The following PON1 variants were observed in gnomAD, a reference collection of about 807,000 sequenced individuals.
The protein encoded by PON1 is paraoxonase 1.
PON1 carries 37 observed loss-of-function variants against 39.2 expected under a neutral mutation model. That is an observed-to-expected ratio of 0.94 (90% CI 0.73 to 1.24). The LOEUF (loss-of-function observed/expected upper bound fraction) is 1.24, where lower values mean the gene tolerates loss of function less well. Among genes scored for constraint, PON1 ranks in the 50% most tolerant of loss-of-function variants. The pLI is 0.00. For missense variants in PON1, 397 were observed against 413.5 expected (o/e 0.96, Z 0.35); for synonymous variants, 148 against 152.2 (o/e 0.97, Z 0.21).
At chr7:95,313,616 A>ATGTG (rs1322722871) in intron 4 of PON1, among the ~76,000 whole-genome samples, 1 of 69,578 alleles carries the variant, frequency 1.4e-5, no homozygotes, top group South Asian at 5.6e-4. Flanking sequence ...ATATATATGT[A>ATGTG]TATGTGTGTG....
At chr7:95,318,595 A>T in intron 1 of PON1, 1 of 538,968 alleles carries the variant, frequency 1.9e-6, no homozygotes, top group Non-Finnish European at 3.4e-6. Flanking sequence ...TTTATTTAGC[A>T]GAGGTGGATA....
chr7:95,298,928 G>A lies in PON1; in HGVS notation c.*16C>T. The A allele has an allele frequency of 6.2e-7, 1 of 1,614,066 alleles. No individual in the cohort carries two copies. Among genetic ancestry groups the A allele is most frequent in the Non-Finnish European group, 8.5e-7 (1 of 1,179,974 alleles). On this transcript the variant is annotated 3_prime_UTR_variant, in exon 9 of 9. Transcript: ENST00000222381. ...TAATGGCCTCAGTTTCTATGGCATG[G>A]GTGCAAATCGGTCTGTTAGAGCTCA...
chr7:95,318,594 C>T, intron 1 of PON1: 1 of 544,066 alleles, frequency 1.8e-6, no homozygotes, highest in Non-Finnish European at 3.3e-6. Flanking sequence ...TTTTATTTAG[C>T]AGAGGTGGAT....
At chr7:95,318,982 C>T (rs1807837170) in intron 1 of PON1, among the ~76,000 whole-genome samples, 1 of 152,070 alleles carries the variant, frequency 6.6e-6, no homozygotes, top group African/African-American at 2.4e-5. Flanking sequence ...GCATAAACAC[C>T]ATAGAAAATG....
chr7:95,321,400 A>G (rs1165034824), intron 1 of PON1, among the ~76,000 whole-genome samples: 1 of 152,222 alleles, frequency 6.6e-6, no homozygotes, highest in African/African-American at 2.4e-5. Context: ...ATCGATTCTC[A>G]AACTCTTCTT....
At chr7:95,317,524 A>T (rs1228139644) in intron 2 of PON1, among the ~76,000 whole-genome samples, 2 of 146,998 alleles carry the variant, frequency 1.4e-5, no homozygotes, top group African/African-American at 5.1e-5. Context: ...AAGTCATCTG[A>T]TCTAGCCTCC....
chr7:95,298,804 T>G lies in PON1; in HGVS notation c.*140A>C. On this transcript the variant is annotated 3_prime_UTR_variant, in exon 9 of 9. Transcript: ENST00000222381. Reference sequence around the variant, plus strand: ...CCCTACACATCATATCACTCCCAGTTAAACAGTGCTTTGATGCTTCATGAT... The same window carrying G: ...CCCTACACATCATATCACTCCCAGTGAAACAGTGCTTTGATGCTTCATGAT... 1 of 1,044,788 alleles carries G rather than the reference T, an allele frequency of 9.6e-7. No homozygotes were observed. The highest frequency in any genetic ancestry group is 1.5e-6 in the Non-Finnish European group (1 of 682,486). The allele number at this position is 1,044,788 out of a possible 1,614,324, so 64.7% of individuals were successfully genotyped here.
At chr7:95,321,028 G>T (rs1205653008) in intron 1 of PON1, among the ~76,000 whole-genome samples, 1 of 152,210 alleles carries the variant, frequency 6.6e-6, no homozygotes, top group Admixed American at 6.5e-5. Context: ...CATCTGGTGA[G>T]GGGCTCTGGC....
rs1173366396 is a variant in PON1, at chr7:95,298,631, G to A, written c.*313C>T. On this transcript the variant is annotated 3_prime_UTR_variant, in exon 9 of 9. Coordinates refer to ENST00000222381, the MANE Select transcript of PON1 (RefSeq NM_000446.7). ...GTGCTTCCAGGCAACACATGTTTTAGGGTAAGTACTTTTGGGGTCACACAC... is the reference window on the plus strand; with the variant it reads ...GTGCTTCCAGGCAACACATGTTTTAAGGTAAGTACTTTTGGGGTCACACAC... 1 of 416,806 alleles carries A rather than the reference G, an allele frequency of 2.4e-6. No homozygotes were observed. The highest frequency in any genetic ancestry group is 2.0e-5 in the African/African-American group (1 of 49,142). 25.8% of individuals were successfully genotyped at this position (416,806 alleles called of 1,614,324 possible).
chr7:95,322,954 A>G (rs912428821), intron 1 of PON1, among the ~76,000 whole-genome samples: 2 of 152,176 alleles, frequency 1.3e-5, no homozygotes, highest in Admixed American at 6.5e-5. Flanking sequence ...AAGTCTGAAG[A>G]AAAAAGGATG....
In PON1 at chr7:95,306,789, A is replaced by G. The variant is rs189943787; in HGVS notation, c.699-423T>C. 6.6e-5 allele frequency among the ~76,000 whole-genome samples: 10 copies of G among 152,218 alleles called. No homozygotes were observed. The East Asian group carries it at 1.9e-3, about 29-fold the overall frequency. ...CTTGTTTTAATCCAGAGAAAATATG[A>G]GAGAAGAAAAGCTGCTTGGCTTGGA... On this transcript the variant is annotated intron_variant, in intron 6 of 8. Transcript: ENST00000222381.
At chr7:95,301,730 C>G (rs1251923176) in intron 8 of PON1, among the ~76,000 whole-genome samples, 1 of 152,064 alleles carries the variant, frequency 6.6e-6, no homozygotes, top group African/African-American at 2.4e-5. Context: ...TAAAGCACCT[C>G]CAAAAGCCTT....
chr7:95,312,322 T>C (rs1205849510), intron 4 of PON1, among the ~76,000 whole-genome samples: 3 of 152,144 alleles, frequency 2.0e-5, no homozygotes, highest in Non-Finnish European at 2.9e-5. Context: ...GCCTCCCAAG[T>C]AGCTGGGATT....
chr7:95,300,307 A>G (rs1156831976), intron 8 of PON1, among the ~76,000 whole-genome samples: 1 of 152,204 alleles, frequency 6.6e-6, no homozygotes, highest in African/African-American at 2.4e-5. Flanking sequence ...GTAGAATGAA[A>G]TGGGTGGGAC....
chr7:95,298,785 ACAT>A lies in PON1; in HGVS notation c.*156_*158del. Reference sequence around the variant, plus strand: ...GTGTATTCTCAAAAAAAAGCCCTACACATCATATCACTCCCAGTTAAACAGTGC... The same window carrying A: ...GTGTATTCTCAAAAAAAAGCCCTACACATATCACTCCCAGTTAAACAGTGC... On this transcript the variant is annotated 3_prime_UTR_variant, in exon 9 of 9. Coordinates refer to ENST00000222381, the MANE Select transcript of PON1 (RefSeq NM_000446.7). The A allele has an allele frequency of 1.2e-6, 1 of 856,974 alleles. No individual in the cohort carries two copies. The highest frequency in any genetic ancestry group is 1.4e-5 in the South Asian group (1 of 69,382). 53.1% of individuals were successfully genotyped at this position (856,974 alleles called of 1,614,324 possible).
chr7:95,316,941 A>G, intron 2 of PON1, 152 bp from the exon 3 acceptor site: 1 of 685,988 alleles, frequency 1.5e-6, no homozygotes, highest in Non-Finnish European at 2.7e-6. Context: ...ATTCAAATTG[A>G]TGAATGCGAT....
chr7:95,316,868 C>G, intron 2 of PON1, 79 bp from the exon 3 acceptor site: 1 of 1,054,722 alleles, frequency 9.5e-7, no homozygotes, highest in Non-Finnish European at 1.5e-6. Context: ...TCACACCTCA[C>G]TTGAAACTGG....
At chr7:95,305,495 T>C (rs1467455908) in intron 7 of PON1, among the ~76,000 whole-genome samples, 1 of 152,198 alleles carries the variant, frequency 6.6e-6, no homozygotes, top group Non-Finnish European at 1.5e-5. Flanking sequence ...CCTGTCCTTG[T>C]GGAGCTTACA....
At chr7:95,312,109 A>G (rs1341452249) in intron 4 of PON1, among the ~76,000 whole-genome samples, 1 of 152,250 alleles carries the variant, frequency 6.6e-6, no homozygotes, top group African/African-American at 2.4e-5. Context: ...CAGAGCTGGC[A>G]AGTAAAAGTT....
Sources: allele counts gnomAD v4.1 joint callset (sites outside exome capture counted in the v4.1 genomes callset), GRCh38; gene constraint gnomAD v4.1.1; transcripts MANE v1.5; gene names NCBI Gene and HGNC (gene_info 2026-07-23, HGNC 2026-07-21).